Variants in ROBO1 observed in about 807,000 individuals in gnomAD.
ROBO1 encodes roundabout homolog 1.
A neutral mutation model predicts 195.9 loss-of-function variants in ROBO1; 149 were observed. That is an observed-to-expected ratio of 0.76 (90% CI 0.67 to 0.87). The LOEUF is 0.87. ROBO1 is among the 40% of genes least tolerant of loss of function. ROBO1 has a pLI of 0.00. For missense variants in ROBO1, 1,933 were observed against 2,068.3 expected (o/e 0.93, Z 1.27); for synonymous variants, 816 against 733.2 (o/e 1.11, Z -1.82).
intron 4 of ROBO1, among the ~76,000 whole-genome samples, chr3:78,860,139 G>GTAGGTAGA (rs1273657592): frequency 1.3e-4 from 19 of 141,976 alleles, no homozygotes; most frequent in South Asian, 2.2e-4. Context: ...AGGTAGATAG[G>GTAGGTAGA]TAGATAGATA....
intron 2 of ROBO1, among the ~76,000 whole-genome samples, chr3:79,243,616 G>C (rs1223853399): frequency 6.6e-6 from 1 of 151,950 alleles, no homozygotes; most frequent in Non-Finnish European, 1.5e-5. Context: ...GTGTCTTTTG[G>C]CTGCATAAAT....
chr3:79,571,087 T>A (rs1467476958), intron 2 of ROBO1, among the ~76,000 whole-genome samples: 1 of 151,890 alleles, frequency 6.6e-6, no homozygotes, highest in African/African-American at 2.4e-5. Flanking sequence ...TGATAATGGT[T>A]TTGACAATAA....
chr3:78,673,870 G>C (rs1486141332), intron 10 of ROBO1, among the ~76,000 whole-genome samples: 1 of 151,628 alleles, frequency 6.6e-6, no homozygotes, highest in East Asian at 1.9e-4. Context: ...CGCAGATAAA[G>C]AGCATAATTG....
chr3:79,627,982 C>A (rs1184027751), intron 1 of ROBO1, among the ~76,000 whole-genome samples: 1 of 152,034 alleles, frequency 6.6e-6, no homozygotes, highest in Non-Finnish European at 1.5e-5. Context: ...TGTCAGGAAA[C>A]AATACATGCT....
chr3:79,552,083 T>C (rs1942543729), intron 2 of ROBO1, among the ~76,000 whole-genome samples: 1 of 149,018 alleles, frequency 6.7e-6, no homozygotes, highest in South Asian at 2.2e-4. Flanking sequence ...TCTTTCATCT[T>C]AAAACTGTAG....
At chr3:78,984,409 G>T (rs1159970946) in intron 3 of ROBO1, among the ~76,000 whole-genome samples, 1 of 152,156 alleles carries the variant, frequency 6.6e-6, no homozygotes, top group African/African-American at 2.4e-5. Flanking sequence ...AGGGAGAGAA[G>T]CCAGCTAAGA....
intron 2 of ROBO1, among the ~76,000 whole-genome samples, chr3:79,175,752 A>C (rs1213271157): frequency 6.6e-6 from 1 of 152,208 alleles, no homozygotes; most frequent in Non-Finnish European, 1.5e-5. Flanking sequence ...ATGTGGCTGA[A>C]TAATTTTCAG....
At chr3:79,600,683 T>A (rs1447586603) in intron 1 of ROBO1, among the ~76,000 whole-genome samples, 1 of 151,832 alleles carries the variant, frequency 6.6e-6, no homozygotes, top group African/African-American at 2.4e-5. Flanking sequence ...AAAACTTTAA[T>A]TAAAACCAGC....
intron 1 of ROBO1, among the ~76,000 whole-genome samples, chr3:79,682,991 T>G (rs1946993904): frequency 6.7e-6 from 1 of 149,958 alleles, no homozygotes; most frequent in Non-Finnish European, 1.5e-5. Context: ...ACATATAGGA[T>G]ATAGCAATAG....
chr3:78,916,574 G>GA (rs983162751), intron 4 of ROBO1, among the ~76,000 whole-genome samples: 17 of 142,566 alleles, frequency 1.2e-4, no homozygotes, highest in African/African-American at 4.6e-4. Flanking sequence ...AAAAAAAAAA[G>GA]AAAAAAATGG....
chr3:79,278,147 G>A (rs2031202636), intron 2 of ROBO1, among the ~76,000 whole-genome samples: 1 of 151,964 alleles, frequency 6.6e-6, no homozygotes, highest in Non-Finnish European at 1.5e-5. Context: ...ATAAAACACT[G>A]ATGAAATTAA....
At chr3:78,659,885 AT>A in intron 16 of ROBO1, 78 bp from the exon 17 acceptor site, 1 of 1,138,118 alleles carries the variant, frequency 8.8e-7, no homozygotes, top group Non-Finnish European at 1.2e-6. Flanking sequence ...ATCAAACCCA[AT>A]AATAGATGTA....
chr3:79,663,728 T>C (rs1946395779), intron 1 of ROBO1, among the ~76,000 whole-genome samples: 1 of 152,090 alleles, frequency 6.6e-6, no homozygotes, highest in Non-Finnish European at 1.5e-5. Flanking sequence ...TGCCATAATC[T>C]GCCTAGTTAT....
intron 4 of ROBO1, among the ~76,000 whole-genome samples, chr3:78,777,680 T>C (rs2083545271): frequency 6.6e-6 from 1 of 152,208 alleles, no homozygotes; most frequent in Admixed American, 6.5e-5. Flanking sequence ...GCTTACTTTG[T>C]ATTATAAATT....
At chr3:79,063,006 A>G (rs141800710) in intron 3 of ROBO1, among the ~76,000 whole-genome samples, 142 of 152,070 alleles carry the variant, frequency 9.3e-4, no homozygotes, top group African/African-American at 3.3e-3. Context: ...GAAGAAAAAA[A>G]ATGACCTTCC....
At chr3:78,643,151 T>C (rs1010748743) in intron 21 of ROBO1, among the ~76,000 whole-genome samples, 8 of 152,146 alleles carry the variant, frequency 5.3e-5, no homozygotes, top group Non-Finnish European at 1.0e-4. Context: ...TGCCAAACGT[T>C]TTTGGTAAAG....
At chr3:79,655,419 A>G (rs1946130033) in intron 1 of ROBO1, among the ~76,000 whole-genome samples, 1 of 152,076 alleles carries the variant, frequency 6.6e-6, no homozygotes, top group Non-Finnish European at 1.5e-5. Flanking sequence ...ATCTTCAAAA[A>G]GGAAGTTGCA....
At chr3:79,051,444 C>G (rs1390597947) in intron 3 of ROBO1, among the ~76,000 whole-genome samples, 1 of 152,112 alleles carries the variant, frequency 6.6e-6, no homozygotes, top group Non-Finnish European at 1.5e-5. Flanking sequence ...AAGTCCAGGA[C>G]CAGACAGATT....
intron 2 of ROBO1, among the ~76,000 whole-genome samples, chr3:79,289,199 C>T (rs1427507102): frequency 6.6e-6 from 1 of 151,378 alleles, no homozygotes; most frequent in Non-Finnish European, 1.5e-5. Flanking sequence ...ATAATAAAAA[C>T]ATTAAAAAAT....
Sources: allele counts gnomAD v4.1 joint callset (sites outside exome capture counted in the v4.1 genomes callset), GRCh38; gene constraint gnomAD v4.1.1; transcripts MANE v1.5; gene names NCBI Gene and HGNC (gene_info 2026-07-23, HGNC 2026-07-21).